TTLL7: variants seen among roughly 807,000 people sequenced by gnomAD.
TTLL7 encodes the protein tubulin tyrosine ligase like 7, also known as tubulin polyglutamylase TTLL7.
TTLL7 carries 53 observed loss-of-function variants against 120.2 expected under a neutral mutation model. The observed-to-expected ratio is 0.44, with a 90% CI of 0.35 to 0.55. The LOEUF (loss-of-function observed/expected upper bound fraction) is 0.55, where lower values mean the gene tolerates loss of function less well. Ranked by LOEUF, TTLL7 falls within the 20% of genes least tolerant of loss-of-function variation. TTLL7 has a pLI of 0.00. For missense variants in TTLL7, 803 were observed against 1,054.7 expected (o/e 0.76, Z 3.31); for synonymous variants, 353 against 351.7 (o/e 1.00, Z -0.04).
intron 1 of TTLL7, among the ~76,000 whole-genome samples, chr1:83,996,356 TC>T (rs1175610816): frequency 6.6e-6 from 1 of 152,170 alleles, no homozygotes; most frequent in East Asian, 1.9e-4. Context: ...GATTAACAGA[TC>T]AGAAACAGAT....
intron 8 of TTLL7, among the ~76,000 whole-genome samples, chr1:83,935,966 T>C (rs1053352318): frequency 1.3e-5 from 2 of 152,182 alleles, no homozygotes; most frequent in Non-Finnish European, 2.9e-5. Flanking sequence ...ATTTATTAAC[T>C]GATTGTTTAT....
At position 83,933,694 on chromosome 1, in the gene TTLL7, G is replaced by A; in HGVS notation, c.961C>T (p.Gln321Ter). ...CAGACACTTTCGCTTCCTGGAGGTT[G>A]ACCAGGTCTACACATTCGATAGGCA... ...LHAYRMCRPG[Q>*]PPGSESVCFE... The change falls in exon 9 of 21, where the codon CAA becomes TAA. Residue 321 changes from glutamine to a stop codon, truncating the protein, a stop_gained. Coordinates refer to ENST00000260505, the MANE Select transcript of TTLL7 (RefSeq NM_024686.6). LOFTEE classifies it high-confidence loss of function. 1 of 1,613,672 alleles carries A rather than the reference G, an allele frequency of 6.2e-7. No homozygotes were observed. The highest frequency in any genetic ancestry group is 8.5e-7 in the Non-Finnish European group (1 of 1,179,712).
At chr1:83,939,432 C>T (rs1392286935) in intron 7 of TTLL7, among the ~76,000 whole-genome samples, 1 of 152,086 alleles carries the variant, frequency 6.6e-6, no homozygotes, top group Non-Finnish European at 1.5e-5. Flanking sequence ...GGGAACTTTG[C>T]ATTTTTCTTA....
chr1:83,921,026 G>A (rs41293007), intron 12 of TTLL7, 61 bp downstream of exon 12: 15,596 of 1,500,604 alleles, frequency 0.01, 98 homozygotes, highest in Non-Finnish European at 0.013. Context: ...ATTAAAACAT[G>A]AAGAATCATT....
At chr1:83,871,466 A>G (rs1409301065) in intron 20 of TTLL7, among the ~76,000 whole-genome samples, 1 of 152,212 alleles carries the variant, frequency 6.6e-6, no homozygotes, top group Non-Finnish European at 1.5e-5. Context: ...AGGAAATGCT[A>G]TAAAATCAGG....
At chr1:83,952,161 T>C (rs1322864407) in intron 2 of TTLL7, 26 bp downstream of exon 2, 3 of 1,609,600 alleles carry the variant, frequency 1.9e-6, no homozygotes, top group East Asian at 2.2e-5. Context: ...CCATATTTTG[T>C]AACATAGTTA....
intron 1 of TTLL7, among the ~76,000 whole-genome samples, chr1:83,977,893 G>A (rs758997893): frequency 1.3e-5 from 2 of 152,082 alleles, no homozygotes; most frequent in Non-Finnish European, 2.9e-5. Flanking sequence ...TTTGTTTAAT[G>A]TTATTAACAA....
intron 18 of TTLL7, among the ~76,000 whole-genome samples, chr1:83,903,651 T>A (rs1316306886): frequency 6.6e-6 from 1 of 152,052 alleles, no homozygotes; most frequent in Admixed American, 6.6e-5. Flanking sequence ...TTTATGTAAA[T>A]AGTTGTTACA....
At chr1:83,923,305 A>C (rs1041087619) in intron 10 of TTLL7, among the ~76,000 whole-genome samples, 1 of 152,026 alleles carries the variant, frequency 6.6e-6, no homozygotes, top group African/African-American at 2.4e-5. Context: ...AGAAGACAGG[A>C]AAAGAAAATA....
intron 1 of TTLL7, among the ~76,000 whole-genome samples, chr1:83,967,447 G>C (rs1650572930): frequency 6.6e-6 from 1 of 152,100 alleles, no homozygotes; most frequent in African/African-American, 2.4e-5. Context: ...ATCTTCATGT[G>C]CTTTGACTGG....
At chr1:83,998,181 G>A (rs777686174) in intron 1 of TTLL7, among the ~76,000 whole-genome samples, 7 of 152,172 alleles carry the variant, frequency 4.6e-5, no homozygotes, top group Non-Finnish European at 7.3e-5. Flanking sequence ...CTGTGACCTT[G>A]AGAATGTAAT....
At chr1:83,934,955 C>T (rs1343087274) in intron 8 of TTLL7, among the ~76,000 whole-genome samples, 3 of 152,116 alleles carry the variant, frequency 2.0e-5, no homozygotes, top group Non-Finnish European at 2.9e-5. Flanking sequence ...CTCTAGAATT[C>T]CACCTTATAT....
chr1:83,929,642 T>C (rs553270586), intron 9 of TTLL7, among the ~76,000 whole-genome samples: 2 of 152,312 alleles, frequency 1.3e-5, no homozygotes, highest in Non-Finnish European at 1.5e-5. Context: ...ATAATAATTA[T>C]ATACATCTAT....
chr1:83,904,044 C>G (rs915261143), intron 18 of TTLL7, 35 bp downstream of exon 18: 1 of 1,533,240 alleles, frequency 6.5e-7, no homozygotes, highest in Admixed American at 1.7e-5. Flanking sequence ...ATACATAATC[C>G]AAGAGGGAAA....
At chr1:83,959,320 G>A (rs1293299585) in intron 1 of TTLL7, among the ~76,000 whole-genome samples, 1 of 152,196 alleles carries the variant, frequency 6.6e-6, no homozygotes, top group Admixed American at 6.5e-5. Flanking sequence ...GGCAGATCCA[G>A]GAAAGTGGGA....
chr1:83,987,052 A>G (rs1652520121), intron 1 of TTLL7, among the ~76,000 whole-genome samples: 1 of 152,192 alleles, frequency 6.6e-6, no homozygotes, highest in Admixed American at 6.5e-5. Flanking sequence ...ACACACAAAA[A>G]TCAATTGCAT....
intron 6 of TTLL7, among the ~76,000 whole-genome samples, chr1:83,943,703 T>C (rs556045037): frequency 2.6e-5 from 4 of 152,272 alleles, no homozygotes; most frequent in East Asian, 1.9e-4. Flanking sequence ...TGCTATAGTA[T>C]AATACTGAAA....
intron 20 of TTLL7, among the ~76,000 whole-genome samples, chr1:83,882,444 G>A (rs950700087): frequency 2.0e-5 from 3 of 151,652 alleles, no homozygotes; most frequent in Non-Finnish European, 2.9e-5. Flanking sequence ...AAACAATATT[G>A]CTTTTCATGC....
At chr1:83,919,944 T>C (rs1658503338) in intron 12 of TTLL7, 110 bp from the exon 13 acceptor site, 1 of 989,408 alleles carries the variant, frequency 1.0e-6, no homozygotes, top group African/African-American at 1.6e-5. Context: ...CCAGTCACAT[T>C]GCCAGGTATA....
Sources: gnomAD v4.1 joint callset for allele counts (sites outside exome capture counted in the v4.1 genomes callset) on GRCh38, gnomAD v4.1.1 for gene constraint, MANE v1.5 for transcripts, NCBI Gene and HGNC (gene_info 2026-07-23, HGNC 2026-07-21) for gene names.